ADARB1: variants seen among roughly 807,000 people sequenced by gnomAD.
The protein encoded by ADARB1 is adenosine deaminase RNA specific B1.
A neutral mutation model predicts 52.4 loss-of-function variants in ADARB1; 10 were observed. The observed-to-expected ratio is 0.19, with a 90% CI of 0.12 to 0.32. The LOEUF (loss-of-function observed/expected upper bound fraction) is 0.32, where lower values mean the gene tolerates loss of function less well. Ranked by LOEUF, ADARB1 falls within the 10% of genes least tolerant of loss-of-function variation. The probability of loss-of-function intolerance (pLI) is 1.00; values close to 1 mark genes in which losing one functional copy is unlikely to be tolerated. For missense variants in ADARB1, 643 were observed against 922.3 expected (o/e 0.70, Z 3.92); for synonymous variants, 349 against 371.1 (o/e 0.94, Z 0.68).
rs2092958482 is a variant in ADARB1, at chr21:45,221,157, A to T, written c.1926+143A>T. Reference sequence around the variant, plus strand: ...GATCACTTGGAATGATTCTTCCTTCAGATTGTTTTAGCTTAGAAGTGTGGC... The same window carrying T: ...GATCACTTGGAATGATTCTTCCTTCTGATTGTTTTAGCTTAGAAGTGTGGC... On this transcript the variant is annotated intron_variant, in intron 10 of 10. Coordinates refer to ENST00000348831, the MANE Select transcript of ADARB1 (RefSeq NM_001112.4). The surrounding 1 kb of genome is among the most constrained non-coding windows in gnomAD (Gnocchi z 4.9). The T allele has an allele frequency of 9.1e-7, 1 of 1,095,628 alleles. No individual in the cohort carries two copies. Among genetic ancestry groups the T allele is most frequent in the Non-Finnish European group, 1.3e-6 (1 of 783,734 alleles). The allele number at this position is 1,095,628 out of a possible 1,614,324, so 67.9% of individuals were successfully genotyped here.
intron 2 of ADARB1, among the ~76,000 whole-genome samples, chr21:45,138,795 T>C (rs976974433): frequency 2.0e-5 from 3 of 152,144 alleles, no homozygotes; most frequent in Non-Finnish European, 2.9e-5. Flanking sequence ...GAGTGGCCCA[T>C]GTGCTCGTGG....
chr21:45,153,097 C>T (rs1215167899), intron 2 of ADARB1, among the ~76,000 whole-genome samples: 1 of 152,196 alleles, frequency 6.6e-6, no homozygotes, highest in African/African-American at 2.4e-5. Context: ...TAAAACTGTT[C>T]TTCATGCTGC....
intron 9 of ADARB1, among the ~76,000 whole-genome samples, chr21:45,205,675 C>T (rs1028270062): frequency 6.6e-6 from 1 of 152,174 alleles, no homozygotes; most frequent in Non-Finnish European, 1.5e-5. Context: ...CAGTGGCTAA[C>T]AGTAAAGTGA....
intron 4 of ADARB1, among the ~76,000 whole-genome samples, chr21:45,178,327 C>T (rs1322586180): frequency 6.6e-6 from 1 of 152,240 alleles, no homozygotes; most frequent in Admixed American, 6.5e-5. Context: ...GGGAGGGGTG[C>T]AGGTGGGCAG....
chr21:45,150,112 C>T (rs1243310571), intron 2 of ADARB1, among the ~76,000 whole-genome samples: 6 of 152,118 alleles, frequency 3.9e-5, no homozygotes, highest in South Asian at 2.1e-4. Context: ...GGTGAAACCC[C>T]GTCTCTACTA....
At chr21:45,093,687 G>A (rs912267527) in intron 1 of ADARB1, among the ~76,000 whole-genome samples, 1 of 152,158 alleles carries the variant, frequency 6.6e-6, no homozygotes. Flanking sequence ...CTCACCAGGG[G>A]TATGGGGAGA....
chr21:45,198,642 T>TCC (rs1172297496), intron 8 of ADARB1, among the ~76,000 whole-genome samples: 1 of 152,140 alleles, frequency 6.6e-6, no homozygotes, highest in Non-Finnish European at 1.5e-5. Context: ...GGGATGATGA[T>TCC]CCCCATTTTA....
Position 45,176,336 on chromosome 21 carries a change from C to T in ADARB1, c.635C>T (p.Pro212Leu), listed in dbSNP as rs200222908. ...GGGGACCTCAGCTTGTCTGCTTCCCCGGTGCCTGCCAGCCTAGCCCAGCCT... is the reference window on the plus strand; with the variant it reads ...GGGGACCTCAGCTTGTCTGCTTCCCTGGTGCCTGCCAGCCTAGCCCAGCCT... ...SSGDLSLSAS[P>L]VPASLAQPPL... The change falls in exon 4 of 11, where the codon CCG becomes CTG. Residue 212 changes from proline to leucine, a missense_variant. Around this residue, in one of 2 missense-constraint regions of ADARB1, gnomAD observed 380 missense variants for 446.5 expected, o/e 0.85. Transcript: ENST00000348831. This position sits in a 1 kb window ranked among gnomAD's most constrained non-coding sequence, Gnocchi z 5.8. The T allele has an allele frequency of 1.9e-6, 3 of 1,613,960 alleles. No individual in the cohort carries two copies. Among genetic ancestry groups the T allele is most frequent in the African/African-American group, 1.3e-5 (1 of 75,054 alleles).
chr21:45,207,777 G>T (rs1362708040), intron 9 of ADARB1, among the ~76,000 whole-genome samples: 2 of 152,180 alleles, frequency 1.3e-5, no homozygotes, highest in East Asian at 3.9e-4. Context: ...ACAGCGCCTA[G>T]TGAATTGTAG....
At chr21:45,086,755 T>C (rs906340985) in intron 1 of ADARB1, among the ~76,000 whole-genome samples, 1 of 152,230 alleles carries the variant, frequency 6.6e-6, no homozygotes, top group African/African-American at 2.4e-5. Context: ...CTATTATGAA[T>C]CACGTGACTT....
Position 45,222,396 on chromosome 21 carries a change from T to C in ADARB1, c.*199T>C. 7.6e-7 allele frequency: 1 copy of C among 1,319,936 alleles called. No individual in the cohort carries two copies. Among genetic ancestry groups the C allele is most frequent in the Non-Finnish European group, 9.6e-7 (1 of 1,040,938 alleles). The allele number at this position is 1,319,936 out of a possible 1,614,324, so 81.8% of individuals were successfully genotyped here. ...TGCGCAGTGTGGGGAGGGGATGGGG[T>C]GCGTCAGGGCCCAGCATCGCCGCCT... On this transcript the variant is annotated 3_prime_UTR_variant, in exon 11 of 11. Transcript: ENST00000348831.
intron 2 of ADARB1, among the ~76,000 whole-genome samples, chr21:45,167,145 C>T (rs1204996414): frequency 6.6e-6 from 1 of 152,186 alleles, no homozygotes; most frequent in Non-Finnish European, 1.5e-5. Flanking sequence ...TTAATGTGGG[C>T]GGTACCTGCA....
At chr21:45,154,237 T>A (rs1240717089) in intron 2 of ADARB1, among the ~76,000 whole-genome samples, 2 of 152,242 alleles carry the variant, frequency 1.3e-5, no homozygotes, top group East Asian at 3.8e-4. Flanking sequence ...GAGGCCCACA[T>A]ATTAAATGGC....
At position 45,094,556 on chromosome 21, in the gene ADARB1, G is replaced by A. The variant is rs564225377; in HGVS notation, c.-220+19763G>A. Among the ~76,000 whole-genome samples, 217 of 152,252 alleles carry A rather than the reference G, an allele frequency of 1.4e-3. 1 individual carries two copies. Among genetic ancestry groups the A allele is most frequent in the African/African-American group, 5.0e-3 (209 of 41,546 alleles). On this transcript the variant is annotated intron_variant, in intron 1 of 10. Coordinates refer to ENST00000348831, the MANE Select transcript of ADARB1 (RefSeq NM_001112.4). The stretch of plus-strand genomic sequence containing the variant: ...AGATCAGGGAACATCCTCTGTACAT[G>A]GAAGCAGCCCCGAGCACTATGTCTG...
intron 2 of ADARB1, among the ~76,000 whole-genome samples, chr21:45,143,784 C>G (rs1199161374): frequency 6.6e-6 from 1 of 152,222 alleles, no homozygotes; most frequent in Non-Finnish European, 1.5e-5. Flanking sequence ...TCCCAGCTGT[C>G]TTACGGCCAG....
At chr21:45,182,293 T>C (rs1208856728) in intron 5 of ADARB1, among the ~76,000 whole-genome samples, 1 of 152,188 alleles carries the variant, frequency 6.6e-6, no homozygotes, top group African/African-American at 2.4e-5. Flanking sequence ...AAAGATGCTA[T>C]TGCATACCAG....
intron 8 of ADARB1, among the ~76,000 whole-genome samples, chr21:45,196,128 T>C (rs139598552): frequency 6.6e-6 from 1 of 152,228 alleles, no homozygotes; most frequent in Non-Finnish European, 1.5e-5. Flanking sequence ...TATACCTAAA[T>C]ATTTCAGTTT....
intron 1 of ADARB1, among the ~76,000 whole-genome samples, chr21:45,124,779 GTGTGTGTA>G (rs776708637): frequency 8.9e-4 from 110 of 123,472 alleles, no homozygotes; most frequent in South Asian, 2.0e-3. Context: ...GTGTGTGTGT[GTGTGTGTA>G]TGTGTGTGTG....
chr21:45,203,080 G>A (rs777179064), intron 8 of ADARB1, among the ~76,000 whole-genome samples: 1 of 152,188 alleles, frequency 6.6e-6, no homozygotes, highest in East Asian at 1.9e-4. Context: ...ATGCGCATGC[G>A]CCAGCCCCTC....
Sources: allele counts gnomAD v4.1 joint callset (sites outside exome capture counted in the v4.1 genomes callset), GRCh38; gene constraint gnomAD v4.1.1; regional missense constraint gnomAD v4.1.1; non-coding constraint Gnocchi (gnomAD v3.1); transcripts MANE v1.5; gene names NCBI Gene and HGNC (gene_info 2026-07-23, HGNC 2026-07-21).